The following NFYA variants were observed in gnomAD, a reference collection of about 807,000 sequenced individuals.
NFYA encodes the protein nuclear transcription factor Y subunit alpha, also known as CAAT-box DNA binding protein subunit A.
NFYA carries 28 observed loss-of-function variants against 52.8 expected under a neutral mutation model. The observed-to-expected ratio is 0.53, with a 90% CI of 0.39 to 0.73. The LOEUF is 0.73. Among genes scored for constraint, NFYA ranks in the 30% least tolerant of loss-of-function variants. The pLI is 0.00. For synonymous variants in NFYA, 150 were observed against 150.7 expected, an observed-to-expected ratio of 1.00 and a Z score of 0.03; for missense variants, 234 against 427.0, an observed-to-expected ratio of 0.55 and a Z score of 3.98.
At chr6:41,094,342 C>A in intron 8 of NFYA, 54 bp from the exon 9 acceptor site, 1 of 1,472,596 alleles carries the variant, frequency 6.8e-7, no homozygotes, top group Non-Finnish European at 9.5e-7. Context: ...CACTAGATAA[C>A]TGTGCTGGTT....
At chr6:41,090,573 GA>G (rs1764173697) in intron 6 of NFYA, among the ~76,000 whole-genome samples, 1 of 152,206 alleles carries the variant, frequency 6.6e-6, no homozygotes, top group South Asian at 2.1e-4. Context: ...TTTCTAAACA[GA>G]AGAATAGAAA....
chr6:41,099,143 C>T lies in NFYA; in HGVS notation c.*1733C>T, dbSNP rs1764435841. The T allele has an allele frequency of 6.6e-6, 1 of 152,200 alleles. No individual in the cohort carries two copies. The highest frequency in any genetic ancestry group is 6.5e-5 in the Admixed American group (1 of 15,286). The allele number at this position is 152,200 out of a possible 1,614,324, so 9.4% of individuals were successfully genotyped here. A position where few individuals can be genotyped will look rare whatever the true frequency, so the allele number is the denominator to read the frequency against. On this transcript the variant is annotated 3_prime_UTR_variant, in exon 10 of 10. Coordinates refer to ENST00000341376, the MANE Select transcript of NFYA (RefSeq NM_002505.5). ...CCTAGTCCCAGGGATCTGGTAATCGCTCCTGGCTTCCAGATGTCAAAGGAC... is the reference window on the plus strand; with the variant it reads ...CCTAGTCCCAGGGATCTGGTAATCGTTCCTGGCTTCCAGATGTCAAAGGAC...
intron 7 of NFYA, 107 bp downstream of exon 7, chr6:41,091,801 T>C: frequency 8.1e-7 from 1 of 1,230,532 alleles, no homozygotes; most frequent in Non-Finnish European, 1.1e-6. Context: ...GATCGATCCT[T>C]AAGGCACTGT....
chr6:41,084,025 TC>T lies in NFYA; in HGVS notation c.163-20del. 1 of 1,583,278 alleles carries T rather than the reference TC, an allele frequency of 6.3e-7. No individual in the cohort carries two copies. Among genetic ancestry groups the T allele is most frequent in the Non-Finnish European group, 8.6e-7 (1 of 1,164,660 alleles). ...TTTGTGTCTTATGTTATTTCATTGTTCTTATTTTATTTCATTCTAGGTCCAA... is the reference window on the plus strand; with the variant it reads ...TTTGTGTCTTATGTTATTTCATTGTTTTATTTTATTTCATTCTAGGTCCAA... On this transcript the variant is annotated intron_variant, in intron 3 of 9. Transcript: ENST00000341376.
intron 1 of NFYA, chr6:41,075,500 A>T (rs1401442167): frequency 6.6e-6 from 1 of 151,912 alleles, no homozygotes; most frequent in African/African-American, 2.4e-5. Flanking sequence ...ACCAGTCTGC[A>T]GAAGAATTTC....
At chr6:41,096,346 G>C (rs1339713017) in intron 9 of NFYA, among the ~76,000 whole-genome samples, 5 of 152,238 alleles carry the variant, frequency 3.3e-5, no homozygotes, top group African/African-American at 1.2e-4. Flanking sequence ...GTGTATGAAT[G>C]TGGGCCTGAC....
chr6:41,096,191 G>A (rs147064211), intron 9 of NFYA, among the ~76,000 whole-genome samples: 4 of 152,192 alleles, frequency 2.6e-5, no homozygotes, highest in African/African-American at 9.6e-5. Context: ...TAACATCTAA[G>A]CAACTTTGCC....
chr6:41,093,220 G>A lies in NFYA; in HGVS notation c.888+135G>A, dbSNP rs555730538. On this transcript the variant is annotated intron_variant, in intron 8 of 9. Coordinates refer to ENST00000341376, the MANE Select transcript of NFYA (RefSeq NM_002505.5). Reference sequence around the variant, plus strand: ...TAGATACTTGTTGTCTCTTTTGTAAGAGTTAGCATTTGTTATTACTAATAT... The same window carrying A: ...TAGATACTTGTTGTCTCTTTTGTAAAAGTTAGCATTTGTTATTACTAATAT... 1.6e-4 allele frequency: 121 copies of A among 758,302 alleles called. 1 individual carries two copies. In the South Asian group the frequency reaches 2.7e-3, roughly 17 times the overall value. 47.0% of individuals were successfully genotyped at this position (758,302 alleles called of 1,614,324 possible). A position where few individuals can be genotyped will look rare whatever the true frequency, so the allele number is the denominator to read the frequency against.
At position 41,097,460 on chromosome 6, in the gene NFYA, A is replaced by G. The variant is rs759847167; in HGVS notation, c.*50A>G. The G allele has an allele frequency of 6.3e-7, 1 of 1,585,520 alleles. No homozygotes were observed. Among genetic ancestry groups the G allele is most frequent in the Non-Finnish European group, 8.7e-7 (1 of 1,154,840 alleles). On this transcript the variant is annotated 3_prime_UTR_variant, in exon 10 of 10. Transcript: ENST00000341376. ...TCAAGGTCATGTTTCTCACTGTTCCAGGAAATTGATCAACTCTTCCAATGG... is the reference window on the plus strand; with the variant it reads ...TCAAGGTCATGTTTCTCACTGTTCCGGGAAATTGATCAACTCTTCCAATGG...
chr6:41,090,447 C>T (rs913016397), intron 6 of NFYA, 138 bp downstream of exon 6: 7 of 567,316 alleles, frequency 1.2e-5, no homozygotes, highest in African/African-American at 7.5e-5. Context: ...TTTCCTCTAG[C>T]TCTCCATTGA....
In NFYA at chr6:41,102,346, A is replaced by G. The variant is rs1182830006; in HGVS notation, c.*4936A>G. On this transcript the variant is annotated 3_prime_UTR_variant, in exon 10 of 10. Transcript: ENST00000341376. The stretch of plus-strand genomic sequence containing the variant: ...GTTCAAAGGGGGGGCAGGAGGAGCT[A>G]ATTTCCTTTGCACATTTGTATTTTA... Among the ~76,000 whole-genome samples the G allele has an allele frequency of 6.6e-6, 1 of 152,140 alleles. No individual in the cohort carries two copies. The highest frequency in any genetic ancestry group is 6.5e-5 in the Admixed American group (1 of 15,274).
At chr6:41,091,372 C>T (rs1764193725) in intron 6 of NFYA, among the ~76,000 whole-genome samples, 156 bp from the exon 7 acceptor site, 1 of 152,192 alleles carries the variant, frequency 6.6e-6, no homozygotes, top group Non-Finnish European at 1.5e-5. Context: ...ATATAGCACA[C>T]CACAGTGGGA....
chr6:41,080,780 T>C (rs1353233115), intron 2 of NFYA, 31 bp from the exon 3 acceptor site: 1 of 1,578,528 alleles, frequency 6.3e-7, no homozygotes, highest in East Asian at 2.2e-5. Context: ...CTTCCTGACA[T>C]ATTTCAAGCT....
At position 41,101,019 on chromosome 6, in the gene NFYA, G is replaced by C. The variant is rs1316620833; in HGVS notation, c.*3609G>C. ...CCTGTTTCCGGTACCTAGGCGGGCAGCCATGGTGACCGGCGAGCGGCATGC... is the reference window on the plus strand; with the variant it reads ...CCTGTTTCCGGTACCTAGGCGGGCACCCATGGTGACCGGCGAGCGGCATGC... On this transcript the variant is annotated 3_prime_UTR_variant, in exon 10 of 10. Transcript: ENST00000341376. 6.6e-6 allele frequency: 1 copy of C among 152,306 alleles called. No individual in the cohort carries two copies. The highest frequency in any genetic ancestry group is 1.5e-5 in the Non-Finnish European group (1 of 68,086). The allele number at this position is 152,306 out of a possible 1,614,324, so 9.4% of individuals were successfully genotyped here.
At chr6:41,090,450 T>G in intron 6 of NFYA, 141 bp downstream of exon 6, 6 of 562,530 alleles carry the variant, frequency 1.1e-5, no homozygotes, top group South Asian at 2.2e-5. Flanking sequence ...CCTCTAGCTC[T>G]CCATTGATTG....
chr6:41,080,751 G>A, intron 2 of NFYA, 60 bp from the exon 3 acceptor site: 1 of 1,413,658 alleles, frequency 7.1e-7, no homozygotes, highest in Admixed American at 1.7e-5. Context: ...GGTGATCTGT[G>A]TCTTGAACTA....
Position 41,097,357 on chromosome 6 carries a change from G to C in NFYA, c.991G>C (p.Asp331His), listed in dbSNP as rs200458300. 13 of 1,613,838 alleles carry C rather than the reference G, an allele frequency of 8.1e-6. No individual in the cohort carries two copies. Among genetic ancestry groups the C allele is most frequent in the Non-Finnish European group, 1.1e-5 (13 of 1,179,856 alleles). Residue 331 changes from aspartate to histidine, a missense_variant and splice_region_variant, in exon 10 of 10, where the codon GAT becomes CAT. Asp to His is a moderately conservative substitution (Grantham distance 81). Around this residue, in one of 3 missense-constraint regions of NFYA, gnomAD observed 35 missense variants for 34.2 expected, o/e 1.02. Transcript: ENST00000341376. ...PKEKDSPHMQ[D>H]PNQADEEAMT... ...ATCATCATGTCATCTTTGTCTCTAG[G>C]ATCCAAACCAAGCCGATGAAGAAGC...
chr6:41,080,395 T>C (rs1212232110), intron 2 of NFYA, among the ~76,000 whole-genome samples: 1 of 152,220 alleles, frequency 6.6e-6, no homozygotes, highest in African/African-American at 2.4e-5. Context: ...ACTCCTCCTT[T>C]CTTGGTGATT....
In NFYA at chr6:41,099,533, G is replaced by A. The variant is rs1764444759; in HGVS notation, c.*2123G>A. On this transcript the variant is annotated 3_prime_UTR_variant, in exon 10 of 10. Transcript: ENST00000341376. ...AATAGCTCATGACCCTTTTCTTGTGGTCACTTTGGCACACCATAGTAGCCC... is the reference window on the plus strand; with the variant it reads ...AATAGCTCATGACCCTTTTCTTGTGATCACTTTGGCACACCATAGTAGCCC... 1 of 152,154 alleles carries A rather than the reference G, an allele frequency of 6.6e-6. No individual in the cohort carries two copies. The highest frequency in any genetic ancestry group is 1.9e-4 in the East Asian group (1 of 5,198). The allele number at this position is 152,154 out of a possible 1,614,324, so 9.4% of individuals were successfully genotyped here.
Sources: gnomAD v4.1 joint callset for allele counts (sites outside exome capture counted in the v4.1 genomes callset) on GRCh38, gnomAD v4.1.1 for gene constraint, gnomAD v4.1.1 regional missense constraint, MANE v1.5 for transcripts, NCBI Gene and HGNC (gene_info 2026-07-23, HGNC 2026-07-21) for gene names.